TMPO: variants seen among roughly 807,000 people sequenced by gnomAD.
TMPO encodes the protein LEM domain containing 4.
Under a neutral mutation model 45.4 loss-of-function variants are expected in TMPO, and 22 were observed. The ratio of observed to expected loss-of-function variants is 0.48; its 90% CI spans 0.35 to 0.69. The LOEUF (loss-of-function observed/expected upper bound fraction) is 0.69, where lower values mean the gene tolerates loss of function less well. Among genes scored for constraint, TMPO ranks in the 30% least tolerant of loss-of-function variants. The probability of loss-of-function intolerance (pLI) is 0.01; values close to 1 mark genes in which losing one functional copy is unlikely to be tolerated. For missense variants in TMPO, 512 were observed against 548.8 expected, an observed-to-expected ratio of 0.93 and a Z score of 0.67; for synonymous variants, 241 against 204.1, an observed-to-expected ratio of 1.18 and a Z score of -1.54.
rs146100752 is a variant in TMPO, at chr12:98,519,261, G to A, written c.279+3115G>A. 2.7e-3 allele frequency among the ~76,000 whole-genome samples: 411 copies of A among 151,546 alleles called. 1 individual carries two copies. Among genetic ancestry groups the A allele is most frequent in the African/African-American group, 8.8e-3 (363 of 41,282 alleles). ...CGGAGTCTCCATTGCCCAGGTTGGA[G>A]TGCAATGGCCCGATTTCATCTCTGC... On this transcript the variant is annotated intron_variant, in intron 1 of 8. Coordinates refer to ENST00000556029, the MANE Select transcript of TMPO (RefSeq NM_001032283.3).
chr12:98,525,090 T>C (rs1170847693), intron 1 of TMPO, among the ~76,000 whole-genome samples: 2 of 152,252 alleles, frequency 1.3e-5, no homozygotes. Context: ...GACTGCACTT[T>C]TTGGAAAATT....
Position 98,534,169 on chromosome 12 carries a change from A to G in TMPO, c.565+2331A>G, listed in dbSNP as rs1319585944. On this transcript the variant is annotated intron_variant, in intron 3 of 8. Coordinates refer to ENST00000556029, the MANE Select transcript of TMPO (RefSeq NM_001032283.3). ...TGAAGCTGCATTTGATGAAGTGAAG[A>G]TGGCTGCCCATACCATGGGAAATGC... is the stretch of plus-strand genomic sequence containing the variant. The G allele has an allele frequency of 5.6e-6, 9 of 1,613,812 alleles. No individual in the cohort carries two copies. The highest frequency in any genetic ancestry group is 7.6e-6 in the Non-Finnish European group (9 of 1,179,902).
At chr12:98,527,335 CAAA>C (rs374742173) in intron 1 of TMPO, among the ~76,000 whole-genome samples, 42,031 of 93,064 alleles carry the variant, frequency 0.45, 7,257 homozygotes, top group Non-Finnish European at 0.53. Context: ...CCCATCTCTA[CAAA>C]AAAAAAAAAA....
chr12:98,535,593 A>T (rs576875336), intron 3 of TMPO: 2 of 985,400 alleles, frequency 2.0e-6, no homozygotes, highest in Non-Finnish European at 2.4e-6. Flanking sequence ...TTACTGTAGA[A>T]TGCTTCTGCA....
intron 1 of TMPO, 28 bp from the exon 2 acceptor site, chr12:98,527,858 G>A (rs752491337): frequency 6.2e-7 from 1 of 1,612,138 alleles, no homozygotes; most frequent in Non-Finnish European, 8.5e-7. Flanking sequence ...TAATTCATAT[G>A]GAAATGATTA....
In TMPO at chr12:98,527,893, C is replaced by T. The variant is rs1876900973; in HGVS notation, c.287C>T (p.Thr96Ile). The change falls in exon 2 of 9, where the codon ACA (threonine) becomes ATA (isoleucine). Residue 96 changes from threonine (T) to isoleucine (I), a missense_variant. Physicochemically the swap from Thr to Ile is moderately conservative, Grantham distance 89 (BLOSUM62 -1). Transcript: ENST00000556029. ...RSRAAVGRKA[T>I]KKTDKPRQED... ...ACTGGACTTTGTTTACAGAAAGCCA[C>T]AAAAAAAACTGATAAACCCAGACAA... is the stretch of plus-strand genomic sequence containing the variant. 3 of 1,612,492 alleles carry T rather than the reference C, an allele frequency of 1.9e-6. No homozygotes were observed. Among genetic ancestry groups the T allele is most frequent in the Non-Finnish European group, 2.5e-6 (3 of 1,179,294 alleles).
At chr12:98,545,100 TTTCAAAGAGG>T in intron 7 of TMPO, 39 bp downstream of exon 7, 2 of 1,369,098 alleles carry the variant, frequency 1.5e-6, no homozygotes, top group Non-Finnish European at 2.1e-6. Flanking sequence ...ATCATTGATC[TTTCAAAGAGG>T]AAATATAAAT....
At chr12:98,533,242 AT>A in intron 3 of TMPO, 1 of 1,613,982 alleles carries the variant, frequency 6.2e-7, no homozygotes, top group Non-Finnish European at 8.5e-7. Flanking sequence ...AGTAGAAAAT[AT>A]TTGCGGTAGA....
intron 4 of TMPO, among the ~76,000 whole-genome samples, chr12:98,538,183 A>C (rs1164943754): frequency 1.3e-5 from 2 of 152,248 alleles, no homozygotes; most frequent in African/African-American, 4.8e-5. Flanking sequence ...CAGAGAACAA[A>C]TTATTGACTA....
intron 1 of TMPO, among the ~76,000 whole-genome samples, chr12:98,517,807 AC>A (rs1461923065): frequency 6.6e-6 from 1 of 152,260 alleles, no homozygotes; most frequent in Non-Finnish European, 1.5e-5. Flanking sequence ...ATAAAAGCGT[AC>A]CCGCTTACCC....
At chr12:98,528,421 C>T (rs1227877664) in intron 2 of TMPO, among the ~76,000 whole-genome samples, 3 of 151,828 alleles carry the variant, frequency 2.0e-5, no homozygotes, top group Non-Finnish European at 4.4e-5. Flanking sequence ...GGACTACAGG[C>T]GCCCGCTGCC....
At chr12:98,540,397 T>C (rs1040318884) in intron 4 of TMPO, among the ~76,000 whole-genome samples, 1 of 152,192 alleles carries the variant, frequency 6.6e-6, no homozygotes. Context: ...TTTTGTTTGT[T>C]TGTTTTTTGA....
chr12:98,525,606 T>C (rs1298259691), intron 1 of TMPO, among the ~76,000 whole-genome samples: 1 of 151,986 alleles, frequency 6.6e-6, no homozygotes, highest in Non-Finnish European at 1.5e-5. Flanking sequence ...CCGGGCGTGG[T>C]GGTGCACACC....
At chr12:98,516,360 C>T in intron 1 of TMPO, 2 of 1,217,800 alleles carry the variant, frequency 1.6e-6, no homozygotes, top group Non-Finnish European at 2.0e-6. Flanking sequence ...CGTTCTTTGA[C>T]GTGTGGGTCT....
chr12:98,534,859 A>G, intron 3 of TMPO: 1 of 1,000,186 alleles, frequency 1.0e-6, no homozygotes, highest in East Asian at 1.0e-4. Flanking sequence ...TGTCTGCAAC[A>G]TCAATCATAG....
intron 2 of TMPO, 132 bp from the exon 3 acceptor site, chr12:98,531,547 AT>A (rs919908329): frequency 0.033 from 23,578 of 708,914 alleles, 4 homozygotes; most frequent in South Asian, 0.04. Context: ...ATTATATGGT[AT>A]TTTTTTTTTT....
At chr12:98,531,604 G>T in intron 2 of TMPO, 76 bp from the exon 3 acceptor site, 1 of 1,424,116 alleles carries the variant, frequency 7.0e-7, no homozygotes, top group Non-Finnish European at 9.8e-7. Flanking sequence ...AGCTTAAAAT[G>T]TTGCTGAAGA....
chr12:98,544,449 C>G lies in TMPO; in HGVS notation c.791C>G (p.Thr264Ser). 6.2e-7 allele frequency: 1 copy of G among 1,613,830 alleles called. No individual in the cohort carries two copies. Among genetic ancestry groups the G allele is most frequent in the South Asian group, 1.1e-5 (1 of 91,052 alleles). ...TTGTTTTCAAACTAACAGGTGGAAA[C>G]TTCAGAACATTTTCGTATAGATGGT... is the stretch of plus-strand genomic sequence containing the variant. ...SRRTPRKRVETSEHFRIDGPV... is the reference protein window; with the variant it reads ...SRRTPRKRVESSEHFRIDGPV... The change falls in exon 6 of 9, where the codon ACT becomes AGT. Residue 264 changes from threonine (T) to serine (S), a missense_variant. Thr to Ser is a moderately conservative substitution (Grantham distance 58, BLOSUM62 1). Transcript: ENST00000556029.
At chr12:98,523,342 T>G (rs1876517976) in intron 1 of TMPO, among the ~76,000 whole-genome samples, 1 of 152,102 alleles carries the variant, frequency 6.6e-6, no homozygotes, top group Non-Finnish European at 1.5e-5. Context: ...TCACCTGAGG[T>G]CAGGAATTCG....
Sources: allele counts gnomAD v4.1 joint callset (sites outside exome capture counted in the v4.1 genomes callset), GRCh38; gene constraint gnomAD v4.1.1; transcripts MANE v1.5; gene names NCBI Gene and HGNC (gene_info 2026-07-23, HGNC 2026-07-21).